The following IKZF3 variants were observed in gnomAD, a reference collection of about 807,000 sequenced individuals.
The protein encoded by IKZF3 is IKAROS family zinc finger 3, also known as zinc finger protein Aiolos.
A neutral mutation model predicts 49.0 loss-of-function variants in IKZF3; 10 were observed. That is an observed-to-expected ratio of 0.20 (90% CI 0.13 to 0.35). The LOEUF (loss-of-function observed/expected upper bound fraction) is 0.35, where lower values mean the gene tolerates loss of function less well. IKZF3 is among the 10% of genes least tolerant of loss of function. The pLI, the probability that IKZF3 is intolerant of heterozygous loss-of-function variation, is 1.00. For synonymous variants in IKZF3, 209 were observed against 228.2 expected, an observed-to-expected ratio of 0.92 and a Z score of 0.76; for missense variants, 498 against 664.8, an observed-to-expected ratio of 0.75 and a Z score of 2.76.
intron 1 of IKZF3, among the ~76,000 whole-genome samples, chr17:39,860,318 G>A (rs2063182453): frequency 6.6e-6 from 1 of 151,720 alleles, no homozygotes; most frequent in African/African-American, 2.4e-5. Flanking sequence ...TCCTAAATAA[G>A]TGTAAGTATA....
intron 1 of IKZF3, among the ~76,000 whole-genome samples, chr17:39,841,520 G>A (rs982187157): frequency 1.3e-5 from 2 of 152,224 alleles, no homozygotes; most frequent in Non-Finnish European, 1.5e-5. Flanking sequence ...GCCACAGTAC[G>A]GGATTATCAA....
At chr17:39,832,001 A>T in intron 2 of IKZF3, 97 bp downstream of exon 2, 2 of 864,376 alleles carry the variant, frequency 2.3e-6, no homozygotes, top group Non-Finnish European at 1.9e-6. Flanking sequence ...ACACATTTCC[A>T]TAGCATTTTT....
chr17:39,834,226 A>T (rs543119902), intron 1 of IKZF3, among the ~76,000 whole-genome samples: 1 of 152,308 alleles, frequency 6.6e-6, no homozygotes, highest in African/African-American at 2.4e-5. Flanking sequence ...ACTGGGTTAT[A>T]GGGTAGGAGG....
chr17:39,791,620 G>C, intron 4 of IKZF3, 37 bp from the exon 5 acceptor site: 1 of 1,604,456 alleles, frequency 6.2e-7, no homozygotes, highest in Non-Finnish European at 8.5e-7. Flanking sequence ...TCTGGTCACA[G>C]GCAAGTGGAG....
intron 3 of IKZF3, among the ~76,000 whole-genome samples, chr17:39,819,950 C>A (rs575166412): frequency 2.6e-5 from 4 of 152,156 alleles, no homozygotes; most frequent in Admixed American, 2.6e-4. Context: ...GGATTACAGG[C>A]GTGAGCCAAG....
chr17:39,847,516 T>C (rs1011861094), intron 1 of IKZF3, among the ~76,000 whole-genome samples: 2 of 152,120 alleles, frequency 1.3e-5, no homozygotes, highest in South Asian at 4.1e-4. Flanking sequence ...TTTACTGAAA[T>C]GTCTATTTCA....
At chr17:39,857,066 G>A (rs1463591860) in intron 1 of IKZF3, among the ~76,000 whole-genome samples, 1 of 152,172 alleles carries the variant, frequency 6.6e-6, no homozygotes, top group Non-Finnish European at 1.5e-5. Context: ...TACACTGTAT[G>A]TAAGCATATA....
chr17:39,767,324 G>A (rs1336918115), intron 7 of IKZF3, among the ~76,000 whole-genome samples: 1 of 152,182 alleles, frequency 6.6e-6, no homozygotes, highest in Middle Eastern at 3.2e-3. Flanking sequence ...TTTGAAAACA[G>A]AGTTTAGCCA....
intron 1 of IKZF3, among the ~76,000 whole-genome samples, chr17:39,860,854 T>A (rs1267569392): frequency 1.3e-5 from 2 of 152,190 alleles, no homozygotes; most frequent in African/African-American, 4.8e-5. Context: ...AACCTGCACA[T>A]GTACCCCCTA....
At chr17:39,784,653 C>T (rs112267296) in intron 6 of IKZF3, among the ~76,000 whole-genome samples, 11 of 152,312 alleles carry the variant, frequency 7.2e-5, no homozygotes, top group African/African-American at 2.2e-4. Flanking sequence ...CCGCCCGCCT[C>T]GGCCTCCCAA....
chr17:39,863,596 C>T (rs1313777575), intron 1 of IKZF3, among the ~76,000 whole-genome samples: 1 of 152,130 alleles, frequency 6.6e-6, no homozygotes, highest in East Asian at 1.9e-4. Flanking sequence ...TATGAAACTC[C>T]TAATGTGAAC....
At position 39,797,425 on chromosome 17, in the gene IKZF3, C is replaced by CTT. The variant is rs35588873; in HGVS notation, c.164-4494_164-4493dup. 9.6e-3 allele frequency among the ~76,000 whole-genome samples: 1,318 copies of CTT among 137,488 alleles called. 18 individuals are homozygous for CTT. The highest frequency in any genetic ancestry group is 0.032 in the African/African-American group (1,217 of 38,088). The allele number at this position is 137,488 out of a possible 152,430, so 90.2% of individuals were successfully genotyped here. A position where few individuals can be genotyped will look rare whatever the true frequency, so the allele number is the denominator to read the frequency against. On this transcript the variant is annotated intron_variant, in intron 3 of 7. Transcript: ENST00000346872. ...GCACTCCTATGTCTTTTCTTTCTTT[C>CTT]TTTTTTTTTTTTTTTGAGACAGAGT...
Position 39,777,635 on chromosome 17 carries a change from AG to A in IKZF3, c.826+15del. 4 of 1,562,242 alleles carry A rather than the reference AG, an allele frequency of 2.6e-6. No homozygotes were observed. The highest frequency in any genetic ancestry group is 3.5e-6 in the Non-Finnish European group (4 of 1,134,548). On this transcript the variant is annotated intron_variant, in intron 7 of 7. Coordinates refer to ENST00000346872, the MANE Select transcript of IKZF3 (RefSeq NM_012481.5). The stretch of plus-strand genomic sequence containing the variant: ...CTATCTGCTAACAACAGCAGGAAAA[AG>A]GTTTGTATTCTTACCAATGAATTTC...
chr17:39,857,976 AAG>A (rs1555645023), intron 1 of IKZF3, among the ~76,000 whole-genome samples: 2 of 151,542 alleles, frequency 1.3e-5, no homozygotes, highest in African/African-American at 2.4e-5. Context: ...AAAAAAAAAA[AAG>A]AGAGAGAGAG....
intron 5 of IKZF3, among the ~76,000 whole-genome samples, chr17:39,790,822 A>C (rs1323211966): frequency 6.6e-6 from 1 of 151,944 alleles, no homozygotes; most frequent in African/African-American, 2.4e-5. Context: ...TTGGGAGGTC[A>C]AAGTGGGAGG....
At position 39,766,484 on chromosome 17, in the gene IKZF3, C is replaced by T. The variant is rs767661308; in HGVS notation, c.836G>A (p.Arg279His). 15 of 1,606,354 alleles carry T rather than the reference C, an allele frequency of 9.3e-6. No homozygotes were observed. The highest frequency in any genetic ancestry group is 2.2e-5 in the East Asian group (1 of 44,828). Residue 279 changes from arginine to histidine, a missense_variant, in exon 8 of 8, where the codon CGC becomes CAC. Transcript: ENST00000346872. ...ATTATAGTTGACATCAAAGCAGTGG[C>T]GCTTCTCACCTGGAACAAGTGACAG... ...SMPQKFIGEK[R>H]HCFDVNYNSS...
At chr17:39,824,335 C>A (rs779528956) in intron 3 of IKZF3, among the ~76,000 whole-genome samples, 5 of 152,140 alleles carry the variant, frequency 3.3e-5, no homozygotes, top group Non-Finnish European at 7.3e-5. Context: ...TGGGAAGTAA[C>A]TAACTTGCTT....
Position 39,766,231 on chromosome 17 carries a change from G to A in IKZF3, c.1089C>T (p.Ser363=). The change falls in exon 8 of 8, where the codon AGC becomes AGT. Residue 363 remains serine (S), a synonymous_variant. Transcript: ENST00000346872. ...NGAPQELEKK[S]IHLPEKSVPS... ...GCACGCTCTTCTCTGGAAGGTGGATGCTTTTCTTTTCCAGCTCTTGAGGGG... is the reference window on the plus strand; with the variant it reads ...GCACGCTCTTCTCTGGAAGGTGGATACTTTTCTTTTCCAGCTCTTGAGGGG... The A allele has an allele frequency of 6.2e-7, 1 of 1,614,206 alleles. No homozygotes were observed. Among genetic ancestry groups the A allele is most frequent in the South Asian group, 1.1e-5 (1 of 91,090 alleles).
chr17:39,849,033 G>C (rs1405247425), intron 1 of IKZF3, among the ~76,000 whole-genome samples: 4 of 152,060 alleles, frequency 2.6e-5, no homozygotes, highest in Non-Finnish European at 5.9e-5. Context: ...AAAAGAAGCT[G>C]ATAAATTAAT....
Sources: allele counts gnomAD v4.1 joint callset (sites outside exome capture counted in the v4.1 genomes callset), GRCh38; gene constraint gnomAD v4.1.1; transcripts MANE v1.5; gene names NCBI Gene and HGNC (gene_info 2026-07-23, HGNC 2026-07-21).